Variants in ATAD5 observed in about 807,000 individuals in gnomAD.
The protein encoded by ATAD5 is ATPase family AAA domain-containing protein 5.
ATAD5 carries 58 observed loss-of-function variants against 176.9 expected under a neutral mutation model. The observed-to-expected ratio is 0.33, with a 90% CI of 0.27 to 0.41. The LOEUF is 0.41. Ranked by LOEUF, ATAD5 falls within the 10% of genes least tolerant of loss-of-function variation. The pLI is 1.00. For synonymous variants in ATAD5, 640 were observed against 712.6 expected (o/e 0.90, Z 1.62); for missense variants, 1,789 against 2,094.1 (o/e 0.85, Z 2.84).
In ATAD5 at chr17:30,857,250, C is replaced by G. The variant is rs1003831700; in HGVS notation, c.2793+138C>G. 15 of 888,808 alleles carry G rather than the reference C, an allele frequency of 1.7e-5. No homozygotes were observed. In the South Asian group the frequency reaches 3.2e-4, roughly 19 times the overall value. 55.1% of individuals were successfully genotyped at this position (888,808 alleles called of 1,614,324 possible). On this transcript the variant is annotated intron_variant, in intron 8 of 22. Coordinates refer to ENST00000321990, the MANE Select transcript of ATAD5 (RefSeq NM_024857.5). ...TTTTTTTTTTTTGAGACAGAGTCTC[C>G]CTCTGTTGCCCAGGCTGGAGTGCAG...
rs1019444564 is a variant in ATAD5 at position 30,895,114 on chromosome 17, T to G, written c.*201T>G. The G allele has an allele frequency of 3.1e-5, 13 of 417,254 alleles. No homozygotes were observed. The highest frequency in any genetic ancestry group is 3.0e-5 in the Non-Finnish European group (7 of 237,022). The allele number at this position is 417,254 out of a possible 1,614,324, so 25.8% of individuals were successfully genotyped here. ...TATGATTGTAATTTTTTTTCTGAAT[T>G]TTTTGTATTATCTGATTTAGCTTTG... On this transcript the variant is annotated 3_prime_UTR_variant, in exon 23 of 23. Coordinates refer to ENST00000321990, the MANE Select transcript of ATAD5 (RefSeq NM_024857.5).
chr17:30,846,817 T>TTCAAG (rs1353500534), intron 6 of ATAD5, among the ~76,000 whole-genome samples: 2 of 151,128 alleles, frequency 1.3e-5, no homozygotes, highest in African/African-American at 4.9e-5. Flanking sequence ...ACCTCCCAGG[T>TTCAAG]TCAAGTGATT....
intron 3 of ATAD5, 118 bp downstream of exon 3, chr17:30,837,432 A>C: frequency 1.4e-6 from 1 of 691,686 alleles, no homozygotes; most frequent in South Asian, 1.8e-5. Flanking sequence ...GTATTTCATA[A>C]ATTGGTTAAC....
chr17:30,871,830 T>G (rs1229954860), intron 14 of ATAD5, among the ~76,000 whole-genome samples: 1 of 152,196 alleles, frequency 6.6e-6, no homozygotes, highest in African/African-American at 2.4e-5. Flanking sequence ...TTTTCTAAAT[T>G]TATCAATCCT....
chr17:30,846,066 T>G (rs1906478263), intron 6 of ATAD5, among the ~76,000 whole-genome samples: 1 of 152,238 alleles, frequency 6.6e-6, no homozygotes, highest in Non-Finnish European at 1.5e-5. Flanking sequence ...TTTTGACAAG[T>G]GCATCTTATC....
chr17:30,887,719 T>C (rs1249667030), intron 19 of ATAD5, among the ~76,000 whole-genome samples: 1 of 152,018 alleles, frequency 6.6e-6, no homozygotes, highest in African/African-American at 2.4e-5. Flanking sequence ...GAGGCTGAGG[T>C]AGGAGGATCA....
In ATAD5 at chr17:30,843,982, C is replaced by G. The variant is rs1163098553; in HGVS notation, c.2311C>G (p.Gln771Glu). Residue 771 changes from glutamine (Q) to glutamate (E), a missense_variant, in exon 5 of 23, where the codon CAG becomes GAG. Around this residue, in one of 6 missense-constraint regions of ATAD5, gnomAD observed 487 missense variants for 573.6 expected, o/e 0.85. Coordinates refer to ENST00000321990, the MANE Select transcript of ATAD5 (RefSeq NM_024857.5). Reference sequence around the variant, plus strand: ...TCCAGAGAAAAATCAGAAGAAACTTCAGTGTTTGAATGATGTGCTAGGAAA... The same window carrying G: ...TCCAGAGAAAAATCAGAAGAAACTTGAGTGTTTGAATGATGTGCTAGGAAA... ...KHPEKNQKKL[Q>E]CLNDVLGKKL... The G allele has an allele frequency of 6.4e-7, 1 of 1,561,828 alleles. No homozygotes were observed. The highest frequency in any genetic ancestry group is 1.2e-5 in the South Asian group (1 of 82,210).
At chr17:30,857,742 ATTTT>A (rs56075512) in intron 8 of ATAD5, among the ~76,000 whole-genome samples, 2,988 of 138,314 alleles carry the variant, frequency 0.022, 115 homozygotes, top group African/African-American at 0.074. Context: ...GACTAAAGCT[ATTTT>A]TTTTTTTTTT....
chr17:30,894,210 TAG>T (rs1909796225), intron 21 of ATAD5, 60 bp downstream of exon 21: 6 of 1,318,112 alleles, frequency 4.6e-6, no homozygotes, highest in Non-Finnish European at 2.0e-6. Context: ...GGGAAATCAA[TAG>T]AGTTTTTTCT....
At chr17:30,894,301 G>T in intron 21 of ATAD5, 151 bp downstream of exon 21, 2 of 791,404 alleles carry the variant, frequency 2.5e-6, no homozygotes. Flanking sequence ...TAGCTAAAGA[G>T]ACCAGCTTGA....
At chr17:30,891,886 A>G (rs190278214) in intron 19 of ATAD5, among the ~76,000 whole-genome samples, 1 of 147,332 alleles carries the variant, frequency 6.8e-6, no homozygotes, top group Admixed American at 6.9e-5. Context: ...AGGTTTCACC[A>G]TGTTGCCCAG....
chr17:30,851,633 A>C (rs1906976041), intron 6 of ATAD5, among the ~76,000 whole-genome samples: 1 of 151,914 alleles, frequency 6.6e-6, no homozygotes, highest in East Asian at 1.9e-4. Flanking sequence ...ACTGCTTTGG[A>C]GTGCAATGGC....
intron 18 of ATAD5, among the ~76,000 whole-genome samples, chr17:30,880,993 T>C (rs1908980979): frequency 7.1e-6 from 1 of 141,650 alleles, no homozygotes; most frequent in Non-Finnish European, 1.5e-5. Context: ...AATAGCCACC[T>C]TTTTTTTTTC....
Position 30,835,156 on chromosome 17 carries a change from G to A in ATAD5, c.1075G>A (p.Glu359Lys), listed in dbSNP as rs757101118. ...AATGGAAAATAGTTTATCTGATCCT[G>A]AGAATGAACAGACAGTTCAGAAAAG... The part of the protein sequence containing the change: ...FEMENSLSDP[E>K]NEQTVQKRKS... Residue 359 changes from glutamate to lysine, a missense_variant, in exon 2 of 23, where the codon GAG becomes AAG. Glu to Lys is a moderately conservative substitution (Grantham distance 56). This residue lies in a region of ATAD5 where 696 missense variants were observed against 712.5 expected (regional missense o/e 0.98). Coordinates refer to ENST00000321990, the MANE Select transcript of ATAD5 (RefSeq NM_024857.5). The A allele has an allele frequency of 5.0e-6, 8 of 1,614,040 alleles. No homozygotes were observed. In the South Asian group the frequency reaches 7.7e-5, roughly 16 times the overall value.
chr17:30,857,930 C>G (rs144311015), intron 8 of ATAD5, among the ~76,000 whole-genome samples: 7 of 151,990 alleles, frequency 4.6e-5, no homozygotes, highest in Admixed American at 3.3e-4. Context: ...TTAGTAGACA[C>G]GGGGTTTTGC....
At chr17:30,834,030 C>A in intron 1 of ATAD5, 118 bp from the exon 2 acceptor site, 2 of 887,866 alleles carry the variant, frequency 2.3e-6, no homozygotes, top group Non-Finnish European at 3.2e-6. Context: ...ACGTTTTTCA[C>A]CTAAAGGAGG....
At chr17:30,884,424 C>CTTTTTTTTTTTTTTTTTTT (rs61664127) in intron 18 of ATAD5, among the ~76,000 whole-genome samples, 11 of 80,962 alleles carry the variant, frequency 1.4e-4, no homozygotes, top group Non-Finnish European at 2.2e-4. Flanking sequence ...CTTTTCTTTT[C>CTTTTTTTTTTTTTTTTTTT]TTTTTTTTTT....
chr17:30,884,419 CTTTTCTTTTTTTTT>C lies in ATAD5; in HGVS notation c.4078-2768_4078-2755del, dbSNP rs1489758146. Among the ~76,000 whole-genome samples, 17 of 117,694 alleles carry C rather than the reference CTTTTCTTTTTTTTT, an allele frequency of 1.4e-4. 1 individual carries two copies. The highest frequency in any genetic ancestry group is 6.1e-4 in the African/African-American group (16 of 26,408). 77.2% of individuals were successfully genotyped at this position (117,694 alleles called of 152,430 possible). ...GTTTTACTTGCATTATATTTCTTTT[CTTTTCTTTTTTTTT>C]TTTTTTTTTTTTTGAGATGTAGTCT... On this transcript the variant is annotated intron_variant, in intron 18 of 22. Coordinates refer to ENST00000321990, the MANE Select transcript of ATAD5 (RefSeq NM_024857.5).
At chr17:30,843,824 C>T in intron 4 of ATAD5, 89 bp from the exon 5 acceptor site, 2 of 759,226 alleles carry the variant, frequency 2.6e-6, no homozygotes, top group Non-Finnish European at 3.8e-6. Context: ...ATTATGTTTT[C>T]TGTGGTTTCT....
Sources: allele counts gnomAD v4.1 joint callset (sites outside exome capture counted in the v4.1 genomes callset), GRCh38; gene constraint gnomAD v4.1.1; regional missense constraint gnomAD v4.1.1; transcripts MANE v1.5; gene names NCBI Gene and HGNC (gene_info 2026-07-23, HGNC 2026-07-21).